Variants in SEPTIN14 observed in about 807,000 individuals in gnomAD.
SEPTIN14 encodes septin-14.
Under a neutral mutation model 53.6 loss-of-function variants are expected in SEPTIN14, and 40 were observed. The observed-to-expected ratio is 0.75, with a 90% CI of 0.58 to 0.97. The LOEUF (loss-of-function observed/expected upper bound fraction) is 0.97, where lower values mean the gene tolerates loss of function less well. Among genes scored for constraint, SEPTIN14 ranks in the 50% least tolerant of loss-of-function variants. SEPTIN14 has a pLI of 0.00. For missense variants in SEPTIN14, 471 were observed against 508.2 expected, an observed-to-expected ratio of 0.93 and a Z score of 0.70; for synonymous variants, 138 against 166.8, an observed-to-expected ratio of 0.83 and a Z score of 1.33.
At chr7:55,824,329 CAA>C (rs1406595279) in intron 6 of SEPTIN14, among the ~76,000 whole-genome samples, 7 of 151,950 alleles carry the variant, frequency 4.6e-5, no homozygotes, top group African/African-American at 1.7e-4. Flanking sequence ...GCACAAGATC[CAA>C]ATAGCCACCT....
intron 9 of SEPTIN14, among the ~76,000 whole-genome samples, chr7:55,804,493 A>C (rs1344875872): frequency 1.3e-5 from 2 of 152,116 alleles, no homozygotes; most frequent in South Asian, 4.1e-4. Flanking sequence ...TCCTGGCTTT[A>C]GGGGATCCGC....
chr7:55,862,434 A>G (rs112879794), intron 1 of SEPTIN14, among the ~76,000 whole-genome samples: 2,062 of 152,318 alleles, frequency 0.014, 42 homozygotes, highest in African/African-American at 0.041. Flanking sequence ...GAGGAGGCTT[A>G]GGCATTTGAA....
rs746498199 is a variant in SEPTIN14 at position 55,830,321 on chromosome 7, GTATATATATATA to G, written c.720+4092_720+4103del. Among the ~76,000 whole-genome samples the G allele has an allele frequency of 1.6e-3, 136 of 84,720 alleles. 6 individuals carry two copies. The highest frequency in any genetic ancestry group is 6.9e-3 in the African/African-American group (125 of 18,224). 55.6% of individuals were successfully genotyped at this position (84,720 alleles called of 152,430 possible). A position where few individuals can be genotyped will look rare whatever the true frequency, so the allele number is the denominator to read the frequency against. ...GTGGTAATCAGAATGTTATCCAACT[GTATATATATATA>G]TATATATATATATATATTTTTTTTT... is the stretch of plus-strand genomic sequence containing the variant. On this transcript the variant is annotated intron_variant, in intron 6 of 9. Coordinates refer to ENST00000388975, the MANE Select transcript of SEPTIN14 (RefSeq NM_207366.3).
chr7:55,798,121 C>T (rs542378289), intron 9 of SEPTIN14: 56 of 193,298 alleles, frequency 2.9e-4, no homozygotes, highest in African/African-American at 1.2e-3. Context: ...CGTGGAACCT[C>T]GCTCTTTGGC....
intron 7 of SEPTIN14, among the ~76,000 whole-genome samples, chr7:55,808,997 A>C (rs1788651371): frequency 6.6e-6 from 1 of 152,232 alleles, no homozygotes; most frequent in Non-Finnish European, 1.5e-5. Context: ...ACAATAACAA[A>C]GACATAGAAT....
chr7:55,861,735 G>T, intron 2 of SEPTIN14, among the ~76,000 whole-genome samples: 1 of 152,090 alleles, frequency 6.6e-6, no homozygotes, highest in Middle Eastern at 3.2e-3. Flanking sequence ...TGCTAACAAG[G>T]TCATCGGACT....
chr7:55,820,293 G>A (rs898772276), intron 6 of SEPTIN14, among the ~76,000 whole-genome samples: 32 of 152,160 alleles, frequency 2.1e-4, no homozygotes, highest in African/African-American at 7.5e-4. Context: ...GAGCCACCAC[G>A]CCCATCCCAA....
chr7:55,798,178 C>G, intron 9 of SEPTIN14: 1 of 222,012 alleles, frequency 4.5e-6, no homozygotes. Flanking sequence ...TCCCTGCAGC[C>G]ACGCAAAGCC....
At chr7:55,796,595 GTGAT>G (rs1788436169) in intron 9 of SEPTIN14, among the ~76,000 whole-genome samples, 1 of 151,958 alleles carries the variant, frequency 6.6e-6, no homozygotes, top group Non-Finnish European at 1.5e-5. Flanking sequence ...CTGAGCTCAA[GTGAT>G]CCTCCCACCT....
chr7:55,807,206 A>G lies in SEPTIN14; in HGVS notation c.870T>C (p.Cys290=). Residue 290 remains cysteine, a synonymous_variant, in exon 8 of 10, where the codon TGT becomes TGC. Transcript: ENST00000388975. ...TTTCTTTTAGATTTTCCATATTGGT[A>G]CAAAGAAGCATATCTCGGAGCTTAA... ...DFVKLRDMLL[C]TNMENLKEKT... The G allele has an allele frequency of 6.2e-7, 1 of 1,607,456 alleles. No individual in the cohort carries two copies. The highest frequency in any genetic ancestry group is 1.7e-5 in the Admixed American group (1 of 58,498).
Position 55,843,081 on chromosome 7 carries a change from A to T in SEPTIN14, c.419T>A (p.Leu140His). Residue 140 changes from leucine to histidine, a missense_variant, in exon 5 of 10, where the codon CTT becomes CAT. By Grantham distance (99) the Leu-to-His change is moderately conservative (BLOSUM62 -3). Coordinates refer to ENST00000388975, the MANE Select transcript of SEPTIN14 (RefSeq NM_207366.3). ...DYIDAQFEAY[L>H]QEELKIKRSL... is the part of the protein sequence containing the mutation. The stretch of plus-strand genomic sequence containing the variant: ...ACGTTTAATCTTCAGTTCTTCTTGA[A>T]GATAGGCCTCAAATTGGGCATCTAT... The T allele has an allele frequency of 6.2e-7, 1 of 1,605,912 alleles. No individual in the cohort carries two copies. Among genetic ancestry groups the T allele is most frequent in the Non-Finnish European group, 8.5e-7 (1 of 1,177,622 alleles).
chr7:55,802,030 T>C (rs1447228953), intron 9 of SEPTIN14, among the ~76,000 whole-genome samples: 2 of 140,740 alleles, frequency 1.4e-5, no homozygotes, highest in Non-Finnish European at 3.0e-5. Context: ...GACGGAGTCT[T>C]GCTCTGTCTC....
intron 6 of SEPTIN14, among the ~76,000 whole-genome samples, chr7:55,828,397 C>T (rs778216366): frequency 2.6e-5 from 4 of 151,720 alleles, no homozygotes; most frequent in Non-Finnish European, 4.4e-5. Context: ...CTCCACCTCC[C>T]GGGTTCACAC....
chr7:55,842,805 C>T (rs539735591), intron 5 of SEPTIN14, 137 bp downstream of exon 5: 19 of 452,182 alleles, frequency 4.2e-5, no homozygotes, highest in African/African-American at 2.8e-4. Flanking sequence ...CCCAGCTACT[C>T]GGGAGGCTGA....
chr7:55,802,166 G>A (rs988991730), intron 9 of SEPTIN14, among the ~76,000 whole-genome samples: 41 of 151,662 alleles, frequency 2.7e-4, no homozygotes, highest in African/African-American at 5.8e-4. Flanking sequence ...CACCACGCCC[G>A]GCTAATTTTT....
At chr7:55,824,508 C>T (rs1462093332) in intron 6 of SEPTIN14, among the ~76,000 whole-genome samples, 1 of 152,010 alleles carries the variant, frequency 6.6e-6, no homozygotes, top group African/African-American at 2.4e-5. Flanking sequence ...TTAGGCCAAG[C>T]ACAGTGGCTC....
intron 7 of SEPTIN14, among the ~76,000 whole-genome samples, chr7:55,813,138 C>A (rs1788731378): frequency 6.6e-6 from 1 of 151,986 alleles, no homozygotes; most frequent in South Asian, 2.1e-4. Context: ...TTAGTAGAGA[C>A]AGGGTTTCAC....
intron 2 of SEPTIN14, among the ~76,000 whole-genome samples, chr7:55,855,415 C>T (rs1157036743): frequency 6.6e-6 from 1 of 152,180 alleles, no homozygotes; most frequent in African/African-American, 2.4e-5. Context: ...AAGATGGGAG[C>T]ATCAACTTTT....
chr7:55,809,502 C>T (rs1391240046), intron 7 of SEPTIN14, among the ~76,000 whole-genome samples: 5 of 151,210 alleles, frequency 3.3e-5, no homozygotes, highest in African/African-American at 7.3e-5. Flanking sequence ...ATTACAGGAG[C>T]GCGCCACCAC....
Sources: allele counts gnomAD v4.1 joint callset (sites outside exome capture counted in the v4.1 genomes callset), GRCh38; gene constraint gnomAD v4.1.1; transcripts MANE v1.5; gene names NCBI Gene and HGNC (gene_info 2026-07-23, HGNC 2026-07-21).